Variants in FNDC3A observed in about 807,000 individuals in gnomAD.
FNDC3A encodes fibronectin type III domain containing 3A.
Under a neutral mutation model 148.9 loss-of-function variants are expected in FNDC3A, and 32 were observed. The observed-to-expected ratio is 0.21, with a 90% CI of 0.16 to 0.29. The LOEUF (loss-of-function observed/expected upper bound fraction) is 0.29. Ranked by LOEUF, FNDC3A falls within the 10% of genes least tolerant of loss-of-function variation. The pLI is 1.00. For missense variants in FNDC3A, 1,191 were observed against 1,452.8 expected (o/e 0.82, Z 2.93); for synonymous variants, 472 against 473.6 (o/e 1.00, Z 0.04).
rs548899179 is a variant in FNDC3A, at chr13:48,986,696, C to T, written c.-40+10519C>T. On this transcript the variant is annotated intron_variant, in intron 1 of 25. Coordinates refer to ENST00000492622, the MANE Select transcript of FNDC3A (RefSeq NM_001079673.2). ...CAGGCGTGAGCCACTGCGCCTGGCC[C>T]GGAAGGTTTTTTTAAAAAGAAGTTG... 5.3e-5 allele frequency among the ~76,000 whole-genome samples: 8 copies of T among 151,700 alleles called. No homozygotes were observed. The South Asian group carries it at 8.3e-4, about 16-fold the overall frequency.
intron 8 of FNDC3A, among the ~76,000 whole-genome samples, chr13:49,158,502 C>G (rs1883872551): frequency 6.6e-6 from 1 of 152,208 alleles, no homozygotes; most frequent in African/African-American, 2.4e-5. Context: ...ACGCTGGGAG[C>G]TGTAGACCGG....
intron 2 of FNDC3A, among the ~76,000 whole-genome samples, chr13:49,014,008 T>A (rs1445995446): frequency 6.8e-6 from 1 of 147,482 alleles, no homozygotes; most frequent in African/African-American, 2.5e-5. Flanking sequence ...TGTTGGACAT[T>A]TGGGTTGGTT....
chr13:49,128,717 C>T (rs1881854012), intron 4 of FNDC3A, among the ~76,000 whole-genome samples: 1 of 152,202 alleles, frequency 6.6e-6, no homozygotes, highest in Admixed American at 6.5e-5. Flanking sequence ...ATTTCTTTGA[C>T]TTCATCTGCT....
chr13:49,155,398 A>T (rs1230483058), intron 8 of FNDC3A, among the ~76,000 whole-genome samples: 3 of 147,894 alleles, frequency 2.0e-5, no homozygotes, highest in Non-Finnish European at 3.0e-5. Context: ...TGTCTATTTG[A>T]TTCTTCTCTC....
intron 3 of FNDC3A, among the ~76,000 whole-genome samples, chr13:49,104,524 C>T (rs1376930390): frequency 6.6e-6 from 1 of 151,490 alleles, no homozygotes; most frequent in African/African-American, 2.4e-5. Flanking sequence ...CAGAGTGAGA[C>T]TACGTCTCAA....
chr13:49,051,670 A>G (rs376245936), intron 2 of FNDC3A, among the ~76,000 whole-genome samples: 46 of 152,262 alleles, frequency 3.0e-4, no homozygotes, highest in African/African-American at 6.3e-4. Context: ...TCTTTTTGTG[A>G]TGAATTTCCC....
chr13:49,133,902 A>G (rs1489576657), intron 5 of FNDC3A, among the ~76,000 whole-genome samples: 1 of 152,102 alleles, frequency 6.6e-6, no homozygotes, highest in African/African-American at 2.4e-5. Context: ...TGGTAGCTTT[A>G]TTATTTTGAA....
chr13:48,991,116 T>A (rs56305815), intron 1 of FNDC3A, among the ~76,000 whole-genome samples: 2 of 152,304 alleles, frequency 1.3e-5, no homozygotes, highest in Non-Finnish European at 2.9e-5. Flanking sequence ...TACATATAAA[T>A]GGCCTAAACA....
intron 2 of FNDC3A, among the ~76,000 whole-genome samples, chr13:49,037,672 G>T (rs1874596804): frequency 6.6e-6 from 1 of 152,172 alleles, no homozygotes; most frequent in Non-Finnish European, 1.5e-5. Flanking sequence ...TGAAACGGGA[G>T]AGTTCCCTGG....
chr13:49,033,506 A>G (rs186629241), intron 2 of FNDC3A, among the ~76,000 whole-genome samples: 173 of 152,240 alleles, frequency 1.1e-3, no homozygotes, highest in African/African-American at 3.8e-3. Context: ...ACTAAGGACA[A>G]TATGAGGTCC....
At chr13:48,992,775 G>T (rs931853509) in intron 1 of FNDC3A, among the ~76,000 whole-genome samples, 1 of 152,064 alleles carries the variant, frequency 6.6e-6, no homozygotes, top group Non-Finnish European at 1.5e-5. Flanking sequence ...TTAGGTTGGT[G>T]CGAAAGTAAC....
chr13:49,205,790 ATTG>A (rs1414905963), intron 25 of FNDC3A, among the ~76,000 whole-genome samples: 1 of 152,156 alleles, frequency 6.6e-6, no homozygotes, highest in African/African-American at 2.4e-5. Flanking sequence ...TCCTTTATAT[ATTG>A]TTATCAGCAT....
intron 1 of FNDC3A, among the ~76,000 whole-genome samples, chr13:48,990,146 G>A (rs932721371): frequency 6.6e-6 from 1 of 152,086 alleles, no homozygotes; most frequent in Non-Finnish European, 1.5e-5. Flanking sequence ...AGAAGACAAT[G>A]AAGCAATATC....
At chr13:49,166,823 G>GT (rs1249492166) in intron 8 of FNDC3A, among the ~76,000 whole-genome samples, 1 of 152,140 alleles carries the variant, frequency 6.6e-6, no homozygotes, top group Admixed American at 6.5e-5. Context: ...TTTAAATGAA[G>GT]TTCCACATTA....
chr13:49,070,433 T>C (rs1877572611), intron 2 of FNDC3A, among the ~76,000 whole-genome samples: 1 of 151,752 alleles, frequency 6.6e-6, no homozygotes, highest in Non-Finnish European at 1.5e-5. Flanking sequence ...AGTACCAGAG[T>C]TTTTTAATAC....
At chr13:49,024,619 G>A (rs1349235540) in intron 2 of FNDC3A, among the ~76,000 whole-genome samples, 1 of 151,596 alleles carries the variant, frequency 6.6e-6, no homozygotes, top group Admixed American at 6.6e-5. Flanking sequence ...ACATAATGAA[G>A]GACAAGAACC....
intron 14 of FNDC3A, among the ~76,000 whole-genome samples, chr13:49,180,482 A>G (rs1399700256): frequency 1.3e-5 from 2 of 152,172 alleles, no homozygotes; most frequent in African/African-American, 4.8e-5. Flanking sequence ...CATATTTACA[A>G]GATTTATAAA....
At chr13:49,003,473 G>T (rs1952164974) in intron 1 of FNDC3A, among the ~76,000 whole-genome samples, 1 of 152,006 alleles carries the variant, frequency 6.6e-6, no homozygotes, top group African/African-American at 2.4e-5. Context: ...TATGCTCTTT[G>T]TTAGTTGTAT....
rs530742022 is a variant in FNDC3A at position 49,048,889 on chromosome 13, G to C, written c.100-26400G>C. ...TGGTAAAAGTGGGTGTTCTTGTCTC[G>C]TTCCAGTTCTCAGGGGGAATGCTTT... On this transcript the variant is annotated intron_variant, in intron 2 of 25. Transcript: ENST00000492622. 3.3e-5 allele frequency among the ~76,000 whole-genome samples: 5 copies of C among 152,066 alleles called. No homozygotes were observed. In the South Asian group the frequency reaches 1.0e-3, roughly 32 times the overall value.
Sources: gnomAD v4.1 joint callset for allele counts (sites outside exome capture counted in the v4.1 genomes callset) on GRCh38, gnomAD v4.1.1 for gene constraint, MANE v1.5 for transcripts, NCBI Gene and HGNC (gene_info 2026-07-23, HGNC 2026-07-21) for gene names.